CPLX1: variants seen among roughly 807,000 people sequenced by gnomAD.
CPLX1 encodes complexin 1.
CPLX1 carries 6 observed loss-of-function variants against 15.6 expected under a neutral mutation model. The ratio of observed to expected loss-of-function variants is 0.39; its 90% CI spans 0.21 to 0.76. The LOEUF (loss-of-function observed/expected upper bound fraction) is 0.76, where lower values mean the gene tolerates loss of function less well. Ranked by LOEUF, CPLX1 falls within the 30% of genes least tolerant of loss-of-function variation. CPLX1 has a pLI of 0.43. For synonymous variants in CPLX1, 91 were observed against 75.2 expected, an observed-to-expected ratio of 1.21 and a Z score of -1.08; for missense variants, 242 against 188.6, an observed-to-expected ratio of 1.28 and a Z score of -1.66.
At chr4:825,500 C>A (rs1292138366) in intron 1 of CPLX1, among the ~76,000 whole-genome samples, 1 of 151,838 alleles carries the variant, frequency 6.6e-6, no homozygotes, top group South Asian at 2.1e-4. Flanking sequence ...AAGGAGGGCA[C>A]GGCCGGGCCC....
In CPLX1 at chr4:793,692, G is replaced by C. The variant is rs545012083; in HGVS notation, c.32-1084C>G. 2.8e-4 allele frequency among the ~76,000 whole-genome samples: 43 copies of C among 152,254 alleles called. No homozygotes were observed. The South Asian group carries it at 8.9e-3, about 32-fold the overall frequency. On this transcript the variant is annotated intron_variant, in intron 2 of 3. Transcript: ENST00000304062. ...AGCCTCGTGTGTGTGAGGGGACTCT[G>C]GCCACACGTTGCCCCTGCAAATGCC...
At chr4:812,583 C>T (rs1336273450) in intron 2 of CPLX1, among the ~76,000 whole-genome samples, 2 of 152,074 alleles carry the variant, frequency 1.3e-5, no homozygotes, top group Non-Finnish European at 2.9e-5. Context: ...GAATACCGCT[C>T]GAATCCCACC....
chr4:815,091 T>G (rs879499516), intron 2 of CPLX1, among the ~76,000 whole-genome samples: 4 of 152,066 alleles, frequency 2.6e-5, no homozygotes, highest in Admixed American at 6.5e-5. Context: ...ATGCAGAAAT[T>G]AAAAATTCAG....
chr4:814,823 G>T (rs1182688701), intron 2 of CPLX1, among the ~76,000 whole-genome samples: 1 of 152,248 alleles, frequency 6.6e-6, no homozygotes, highest in Non-Finnish European at 1.5e-5. Context: ...TGTCGTGTGT[G>T]AGGGGCCCCG....
chr4:820,457 C>A (rs997347457), intron 2 of CPLX1, among the ~76,000 whole-genome samples: 2 of 152,234 alleles, frequency 1.3e-5, no homozygotes, highest in Admixed American at 1.3e-4. Flanking sequence ...GGACACCCAA[C>A]CTTGCCCATG....
chr4:788,062 C>G (rs549842217), intron 3 of CPLX1: 1 of 985,436 alleles, frequency 1.0e-6, no homozygotes, highest in South Asian at 4.7e-5. Context: ...GGCACCAGCA[C>G]TCTACAGGAC....
chr4:787,012 A>G (rs1281612130), intron 3 of CPLX1: 1 of 985,228 alleles, frequency 1.0e-6, no homozygotes, highest in Non-Finnish European at 1.2e-6. Flanking sequence ...AGCCCCTGGC[A>G]TCCTGCCTTC....
intron 2 of CPLX1, among the ~76,000 whole-genome samples, chr4:803,315 G>A (rs887158813): frequency 9.9e-5 from 15 of 152,234 alleles, no homozygotes; most frequent in African/African-American, 3.6e-4. Context: ...GCCACATAAG[G>A]CCGTTTCAGT....
intron 2 of CPLX1, among the ~76,000 whole-genome samples, chr4:809,367 C>A (rs2152646590): frequency 6.6e-6 from 1 of 152,334 alleles, no homozygotes; most frequent in East Asian, 1.9e-4. Flanking sequence ...CCTATGGCTG[C>A]CAAGCCTCTG....
At chr4:808,729 G>C (rs1256423833) in intron 2 of CPLX1, among the ~76,000 whole-genome samples, 1 of 152,226 alleles carries the variant, frequency 6.6e-6, no homozygotes, top group African/African-American at 2.4e-5. Context: ...CAGGAAATAA[G>C]ATGGTCAAAT....
chr4:786,841 G>A (rs999891266), intron 3 of CPLX1, 143 bp from the exon 4 acceptor site: 141 of 1,386,290 alleles, frequency 1.0e-4, no homozygotes, highest in Non-Finnish European at 1.2e-4. Flanking sequence ...GACCCCAGAA[G>A]GAGAAGAGAC....
intron 2 of CPLX1, among the ~76,000 whole-genome samples, chr4:799,631 G>C (rs1746413266): frequency 6.6e-6 from 1 of 152,214 alleles, no homozygotes; most frequent in Non-Finnish European, 1.5e-5. Flanking sequence ...GGGAGGCCGA[G>C]ATGGGCGGAT....
chr4:788,226 A>G, intron 3 of CPLX1: 4 of 985,200 alleles, frequency 4.1e-6, no homozygotes, highest in Non-Finnish European at 2.4e-6. Context: ...TGGATCTCCA[A>G]GGAGGCCCCT....
At chr4:821,013 C>T (rs1488141139) in intron 2 of CPLX1, among the ~76,000 whole-genome samples, 1 of 152,286 alleles carries the variant, frequency 6.6e-6, no homozygotes, top group African/African-American at 2.4e-5. Context: ...CTCCCCCTCA[C>T]GCCAAACCCA....
rs551669992 is a variant in CPLX1 at position 817,280 on chromosome 4, G to A, written c.31+7212C>T. Among the ~76,000 whole-genome samples, 39 of 150,920 alleles carry A rather than the reference G, an allele frequency of 2.6e-4. No individual in the cohort carries two copies. The East Asian group carries it at 6.4e-3, about 25-fold the overall frequency. On this transcript the variant is annotated intron_variant, in intron 2 of 3. Transcript: ENST00000304062. The stretch of plus-strand genomic sequence containing the variant: ...AAAAAAAAAAAAATTCAGGCCGGGC[G>A]CAGTGGCTCACGCCTGTAATCCCAG...
At chr4:821,279 G>A (rs1198187566) in intron 2 of CPLX1, among the ~76,000 whole-genome samples, 1 of 152,112 alleles carries the variant, frequency 6.6e-6, no homozygotes, top group Non-Finnish European at 1.5e-5. Context: ...TGGCAGAGCC[G>A]AGCATGGGTG....
At chr4:794,200 T>C (rs966126551) in intron 2 of CPLX1, among the ~76,000 whole-genome samples, 2 of 152,240 alleles carry the variant, frequency 1.3e-5, no homozygotes, top group Non-Finnish European at 2.9e-5. Context: ...GGTTGAGTGC[T>C]CTGGGCTGAA....
At chr4:807,944 G>A (rs1438120994) in intron 2 of CPLX1, among the ~76,000 whole-genome samples, 5 of 152,174 alleles carry the variant, frequency 3.3e-5, no homozygotes, top group Non-Finnish European at 7.3e-5. Context: ...TTGGCTCAGA[G>A]TCATGGCACA....
At chr4:822,280 T>C (rs1158190164) in intron 2 of CPLX1, among the ~76,000 whole-genome samples, 1 of 128,662 alleles carries the variant, frequency 7.8e-6, no homozygotes, top group Non-Finnish European at 1.7e-5. Flanking sequence ...CTCTGCCCTC[T>C]TCCTTTGTCT....
Sources: gnomAD v4.1 joint callset for allele counts (sites outside exome capture counted in the v4.1 genomes callset) on GRCh38, gnomAD v4.1.1 for gene constraint, MANE v1.5 for transcripts, NCBI Gene and HGNC (gene_info 2026-07-23, HGNC 2026-07-21) for gene names.